Variants in CEACAM20 observed in about 807,000 individuals in gnomAD.
CEACAM20 encodes CEA cell adhesion molecule 20, also known as cell adhesion molecule CEACAM20.
Under a neutral mutation model 61.2 loss-of-function variants are expected in CEACAM20, and 50 were observed. The observed-to-expected ratio is 0.82, with a 90% CI of 0.65 to 1.03. CEACAM20 has a LOEUF of 1.03. Ranked by LOEUF, CEACAM20 falls within the 50% of genes least tolerant of loss-of-function variation. CEACAM20 has a pLI of 0.00. For synonymous variants in CEACAM20, 282 were observed against 287.7 expected (o/e 0.98, Z 0.20); for missense variants, 683 against 736.4 (o/e 0.93, Z 0.84).
chr19:44,524,318 G>C, intron 2 of CEACAM20, 57 bp from the exon 3 acceptor site: 1 of 1,550,336 alleles, frequency 6.5e-7, no homozygotes, highest in South Asian at 1.2e-5. Context: ...GAACAAACAA[G>C]ACATAGTCAC....
chr19:44,513,420 T>G, intron 6 of CEACAM20, 131 bp from the exon 7 acceptor site: 1 of 592,458 alleles, frequency 1.7e-6, no homozygotes, highest in Non-Finnish European at 3.0e-6. Context: ...TTGGGAGGTA[T>G]CAGATTGTGG....
rs752792853 is a variant in CEACAM20, at chr19:44,525,193, T to C, written c.104A>G (p.Asn35Ser). 7 of 1,609,684 alleles carry C rather than the reference T, an allele frequency of 4.3e-6. No homozygotes were observed. Among genetic ancestry groups the C allele is most frequent in the Middle Eastern group, 1.7e-4 (1 of 6,040 alleles). ...TTGGGTGGCATCAAGTGGGTTGGCATTGAGGGTGAGCTGGGCTGCAGCTGG... is the reference window on the plus strand; with the variant it reads ...TTGGGTGGCATCAAGTGGGTTGGCACTGAGGGTGAGCTGGGCTGCAGCTGG... ...SPPAAAQLTL[N>S]ANPLDATQSE... The change falls in exon 2 of 12, where the codon AAT (asparagine) becomes AGT (serine). Residue 35 changes from asparagine (N) to serine (S), a missense_variant. By Grantham distance (46) the Asn-to-Ser change is conservative. Transcript: ENST00000614924.
rs536330665 is a variant in CEACAM20, at chr19:44,527,637, A to G, written c.52+1821T>C. Among the ~76,000 whole-genome samples, 3 of 152,070 alleles carry G rather than the reference A, an allele frequency of 2.0e-5. No individual in the cohort carries two copies. In the South Asian group the frequency reaches 6.3e-4, roughly 32 times the overall value. On this transcript the variant is annotated intron_variant, in intron 1 of 11. Coordinates refer to ENST00000614924, the MANE Select transcript of CEACAM20 (RefSeq NM_001102597.3). ...TCTCACAGGGTCCTGCCGTTGTCCTACCAGGAAGAGGCAACACTTACAGAC... is the reference window on the plus strand; with the variant it reads ...TCTCACAGGGTCCTGCCGTTGTCCTGCCAGGAAGAGGCAACACTTACAGAC...
In CEACAM20 at chr19:44,520,507, C is replaced by A; in HGVS notation, c.997G>T (p.Ala333Ser). 1.2e-6 allele frequency: 2 copies of A among 1,613,482 alleles called. No homozygotes were observed. The highest frequency in any genetic ancestry group is 1.1e-5 in the South Asian group (1 of 91,054). Residue 333 changes from alanine to serine, a missense_variant, in exon 5 of 12, where the codon GCC (alanine) becomes TCC (serine). Physicochemically the swap from Ala to Ser is moderately conservative, Grantham distance 99 (BLOSUM62 1). Coordinates refer to ENST00000614924, the MANE Select transcript of CEACAM20 (RefSeq NM_001102597.3). ...GTCAGCTCAAGGGGCTCACTCCGGGCCCGGCTGCCCCAGTTCCAGACCTCA... is the reference window on the plus strand; with the variant it reads ...GTCAGCTCAAGGGGCTCACTCCGGGACCGGCTGCCCCAGTTCCAGACCTCA... ...ACEVWNWGSR[A>S]RSEPLELTIN...
intron 3 of CEACAM20, among the ~76,000 whole-genome samples, chr19:44,523,148 C>T (rs1041203918): frequency 3.3e-5 from 5 of 152,092 alleles, no homozygotes; most frequent in Non-Finnish European, 7.4e-5. Context: ...GTAGCTCACA[C>T]CTGTAATCCC....
chr19:44,526,229 C>A (rs186474477), intron 1 of CEACAM20, among the ~76,000 whole-genome samples: 4 of 152,114 alleles, frequency 2.6e-5, no homozygotes, highest in Admixed American at 2.6e-4. Flanking sequence ...CAGTTTTCAA[C>A]GGGGTGTGGT....
chr19:44,514,327 C>G (rs976101701), intron 6 of CEACAM20, among the ~76,000 whole-genome samples: 1 of 152,152 alleles, frequency 6.6e-6, no homozygotes, highest in Non-Finnish European at 1.5e-5. Context: ...AGGGTGGAAT[C>G]GAGCCACTGA....
At chr19:44,517,383 G>C (rs554275945) in intron 5 of CEACAM20, among the ~76,000 whole-genome samples, 159 bp from the exon 6 acceptor site, 8 of 152,144 alleles carry the variant, frequency 5.3e-5, no homozygotes, top group Admixed American at 2.6e-4. Flanking sequence ...CACAACACTG[G>C]GGGTGGGGCA....
chr19:44,529,359 CACACACA>C, intron 1 of CEACAM20, 92 bp downstream of exon 1: 1 of 190,150 alleles, frequency 5.3e-6, no homozygotes, highest in East Asian at 1.7e-4. Context: ...CGAGTGCACA[CACACACA>C]CACACACACA....
At chr19:44,523,075 C>T (rs2123621762) in intron 3 of CEACAM20, among the ~76,000 whole-genome samples, 163 bp from the exon 4 acceptor site, 1 of 152,256 alleles carries the variant, frequency 6.6e-6, no homozygotes. Flanking sequence ...GAAATGTCAG[C>T]CTCATCCCTG....
chr19:44,523,968 G>A lies in CEACAM20; in HGVS notation c.472+18C>T, dbSNP rs1971446231. 6.5e-7 allele frequency: 1 copy of A among 1,542,644 alleles called. No individual in the cohort carries two copies. The highest frequency in any genetic ancestry group is 8.8e-7 in the Non-Finnish European group (1 of 1,141,040). ...GTGAGTGTCAGTGAGGGGTTGGAGA[G>A]AATGGAAAGGGACTCACACTTCACA... On this transcript the variant is annotated intron_variant, in intron 3 of 11. Transcript: ENST00000614924.
At chr19:44,525,727 G>A (rs895180018) in intron 1 of CEACAM20, among the ~76,000 whole-genome samples, 1 of 152,190 alleles carries the variant, frequency 6.6e-6, no homozygotes, top group Non-Finnish European at 1.5e-5. Context: ...ACAGGCATGA[G>A]CCCCTGTGCC....
chr19:44,529,485 G>A lies in CEACAM20; in HGVS notation c.25C>T (p.His9Tyr). 1 of 1,613,594 alleles carries A rather than the reference G, an allele frequency of 6.2e-7. No homozygotes were observed. The highest frequency in any genetic ancestry group is 8.5e-7 in the Non-Finnish European group (1 of 1,179,816). ...GAAAGCAGGATTCCCATCCAGTGGT[G>A]TCCCCATGAGTCAGCAGGCCCCATG... The part of the protein sequence containing the change: MGPADSWG[H>Y]HWMGILLSAS... Residue 9 changes from histidine (H) to tyrosine (Y), a missense_variant, in exon 1 of 12, where the codon CAC (histidine) becomes TAC (tyrosine). Transcript: ENST00000614924.
In CEACAM20 at chr19:44,529,379, C is replaced by T. The variant is rs1599696445; in HGVS notation, c.52+79G>A. The T allele has an allele frequency of 1.0e-5, 13 of 1,279,560 alleles. No homozygotes were observed. In the South Asian group the frequency reaches 1.3e-4, roughly 13 times the overall value. 79.3% of individuals were successfully genotyped at this position (1,279,560 alleles called of 1,614,324 possible). A position where few individuals can be genotyped will look rare whatever the true frequency, so the allele number is the denominator to read the frequency against. On this transcript the variant is annotated intron_variant, in intron 1 of 11. Transcript: ENST00000614924. ...GCACACACACACACACACACACACACACACACACACACACACCGCTGACAA... is the reference window on the plus strand; with the variant it reads ...GCACACACACACACACACACACACATACACACACACACACACCGCTGACAA...
intron 6 of CEACAM20, among the ~76,000 whole-genome samples, chr19:44,515,890 AGT>A (rs1971140206): frequency 6.6e-6 from 1 of 152,146 alleles, no homozygotes; most frequent in South Asian, 2.1e-4. Flanking sequence ...GGATAGCTTG[AGT>A]GTGGGAGGTT....
intron 5 of CEACAM20, among the ~76,000 whole-genome samples, chr19:44,518,099 AAAGAAAGGAAGGAAGGAAGG>A (rs1434705902): frequency 1.9e-5 from 2 of 102,616 alleles, no homozygotes; most frequent in African/African-American, 5.0e-5. Flanking sequence ...AGAAAGAAAG[AAAGAAAGGAAGGAAGGAAGG>A]AAGGAAGGAA....
Position 44,517,186 on chromosome 19 carries a change from A to AT in CEACAM20, c.1068dup (p.Ser357IlefsTer2). The stretch of plus-strand genomic sequence containing the variant: ...GCCTCTATGGTGCTGATCATCTCAG[A>AT]TGCCGACTCCCTGGTGATGTGCACT... On this transcript the variant is annotated frameshift_variant, in exon 6 of 12. Transcript: ENST00000614924. LOFTEE classifies it high-confidence loss of function. 2 of 1,611,044 alleles carry AT rather than the reference A, an allele frequency of 1.2e-6. No homozygotes were observed.
intron 4 of CEACAM20, among the ~76,000 whole-genome samples, 196 bp downstream of exon 4, chr19:44,522,438 A>C (rs1199167833): frequency 1.3e-5 from 2 of 152,014 alleles, no homozygotes; most frequent in African/African-American, 2.4e-5. Context: ...AGATCCCTTC[A>C]AAAATCTGAT....
chr19:44,522,700 T>C lies in CEACAM20; in HGVS notation c.685A>G (p.Arg229Gly). The part of the protein sequence containing the change: ...AVSREHEGLY[R>G]CLVSNSATHL... ...GTGGCACTGTTGGACACCAAGCACC[T>C]GTACAGGCCCTCATGTTCTCTGGAC... The change falls in exon 4 of 12, where the codon AGG (arginine) becomes GGG (glycine). Residue 229 changes from arginine (R) to glycine (G), a missense_variant. Coordinates refer to ENST00000614924, the MANE Select transcript of CEACAM20 (RefSeq NM_001102597.3). The C allele has an allele frequency of 1.2e-6, 2 of 1,613,840 alleles. No homozygotes were observed.
Sources: allele counts gnomAD v4.1 joint callset (sites outside exome capture counted in the v4.1 genomes callset), GRCh38; gene constraint gnomAD v4.1.1; transcripts MANE v1.5; gene names NCBI Gene and HGNC (gene_info 2026-07-23, HGNC 2026-07-21).